TRDMT1: variants seen among roughly 807,000 people sequenced by gnomAD.
TRDMT1 encodes the protein tRNA (cytosine(38)-C(5))-methyltransferase.
TRDMT1 carries 49 observed loss-of-function variants against 51.2 expected under a neutral mutation model. The observed-to-expected ratio is 0.96, with a 90% CI of 0.76 to 1.21. The LOEUF (loss-of-function observed/expected upper bound fraction) is 1.21. Among genes scored for constraint, TRDMT1 ranks in the 50% most tolerant of loss-of-function variants. The probability of loss-of-function intolerance (pLI) is 0.00; values close to 1 mark genes in which losing one functional copy is unlikely to be tolerated. For synonymous variants in TRDMT1, 187 were observed against 164.6 expected (o/e 1.14, Z -1.04); for missense variants, 534 against 462.3 (o/e 1.16, Z -1.42).
At chr10:17,149,968 C>T (rs940982665) in intron 10 of TRDMT1, among the ~76,000 whole-genome samples, 16 of 151,972 alleles carry the variant, frequency 1.1e-4, no homozygotes, top group Admixed American at 4.6e-4. Flanking sequence ...TGTATAGATA[C>T]GTATTTTCAA....
Position 17,145,521 on chromosome 10 carries a change from A to G in TRDMT1, c.*3519T>C. On this transcript the variant is annotated 3_prime_UTR_variant, in exon 11 of 11. Coordinates refer to ENST00000377799, the MANE Select transcript of TRDMT1 (RefSeq NM_004412.7). ...ACTGCTGAGGCTATATGACCCTCAC[A>G]CAGTTTCAAAGTCCAAAGCTATTAG... is the stretch of plus-strand genomic sequence containing the variant. 1.0e-6 allele frequency: 1 copy of G among 985,458 alleles called. No individual in the cohort carries two copies. The highest frequency in any genetic ancestry group is 1.2e-6 in the Non-Finnish European group (1 of 829,942). 61.0% of individuals were successfully genotyped at this position (985,458 alleles called of 1,614,324 possible). A position where few individuals can be genotyped will look rare whatever the true frequency, so the allele number is the denominator to read the frequency against.
At position 17,154,721 on chromosome 10, in the gene TRDMT1, T is replaced by C. The variant is rs1233952555; in HGVS notation, c.901A>G (p.Ile301Val). 2 of 1,604,608 alleles carry C rather than the reference T, an allele frequency of 1.2e-6. No homozygotes were observed. The highest frequency in any genetic ancestry group is 1.1e-5 in the South Asian group (1 of 89,248). ...TGTAACACAGACCCTGTCCCTTCTA[T>C]GTAGCTTCCATATCTGAAAAATCAA... ...VCFTKGYGSY[I>V]EGTGSVLQTA... Residue 301 changes from isoleucine to valine, a missense_variant, in exon 9 of 11, where the codon ATA becomes GTA. Ile to Val is a conservative substitution (Grantham distance 29). Coordinates refer to ENST00000377799, the MANE Select transcript of TRDMT1 (RefSeq NM_004412.7).
chr10:17,160,495 A>T, intron 5 of TRDMT1, 121 bp from the exon 6 acceptor site: 3 of 572,960 alleles, frequency 5.2e-6, no homozygotes, highest in Non-Finnish European at 5.6e-6. Context: ...TTTTTGAGAC[A>T]GAGTCTCACT....
At chr10:17,188,837 A>T (rs10490959) in intron 1 of TRDMT1, among the ~76,000 whole-genome samples, 63,562 of 152,034 alleles carry the variant, frequency 0.42, 15,279 homozygotes, top group South Asian at 0.57. Flanking sequence ...GATTTCCGCG[A>T]AGTAATCACC....
At chr10:17,162,601 G>A (rs1040460575) in intron 3 of TRDMT1, among the ~76,000 whole-genome samples, 13 of 151,936 alleles carry the variant, frequency 8.6e-5, no homozygotes, top group African/African-American at 2.9e-4. Context: ...CCAGCACTTC[G>A]GAAGGCTGAG....
intron 10 of TRDMT1, among the ~76,000 whole-genome samples, chr10:17,152,730 G>A (rs543151905): frequency 1.3e-5 from 2 of 152,154 alleles, no homozygotes; most frequent in Non-Finnish European, 2.9e-5. Context: ...AGATGGGCTG[G>A]GGCATCTCTG....
chr10:17,190,965 T>C (rs369656215), intron 1 of TRDMT1, among the ~76,000 whole-genome samples: 1 of 151,984 alleles, frequency 6.6e-6, no homozygotes, highest in African/African-American at 2.4e-5. Context: ...GTGGTTCTAG[T>C]TTTATGTAGG....
rs1339376284 is a variant in TRDMT1, at chr10:17,146,692, G to A, written c.*2348C>T. 1.0e-6 allele frequency: 1 copy of A among 985,306 alleles called. No homozygotes were observed. The highest frequency in any genetic ancestry group is 1.2e-6 in the Non-Finnish European group (1 of 829,932). 61.0% of individuals were successfully genotyped at this position (985,306 alleles called of 1,614,324 possible). Reference sequence around the variant, plus strand: ...AATTACACATAGTTCTCCTGAAAATGAGAAGCTATGTTTTCCAACATCTGA... The same window carrying A: ...AATTACACATAGTTCTCCTGAAAATAAGAAGCTATGTTTTCCAACATCTGA... On this transcript the variant is annotated 3_prime_UTR_variant, in exon 11 of 11. Transcript: ENST00000377799.
At chr10:17,151,738 G>A in intron 10 of TRDMT1, 1 of 821,416 alleles carries the variant, frequency 1.2e-6, no homozygotes, top group Non-Finnish European at 1.5e-6. Flanking sequence ...GATTATAAAA[G>A]TAAATACATG....
Position 17,144,044 on chromosome 10 carries a change from C to T in TRDMT1, c.*4996G>A, listed in dbSNP as rs915338618. 1 of 985,322 alleles carries T rather than the reference C, an allele frequency of 1.0e-6. No individual in the cohort carries two copies. The highest frequency in any genetic ancestry group is 1.2e-6 in the Non-Finnish European group (1 of 829,938). The allele number at this position is 985,322 out of a possible 1,614,324, so 61.0% of individuals were successfully genotyped here. ...CATCTGGGTGTCATCGGCAAAATGG[C>T]TGAAGTTGTAGGAAAGGGTGAGAAT... On this transcript the variant is annotated 3_prime_UTR_variant, in exon 11 of 11. Transcript: ENST00000377799.
intron 1 of TRDMT1, among the ~76,000 whole-genome samples, chr10:17,180,812 A>C (rs902607964): frequency 1.1e-4 from 17 of 152,196 alleles, no homozygotes; most frequent in African/African-American, 4.1e-4. Flanking sequence ...TAAGCAAATG[A>C]GTACTTAAGA....
At chr10:17,196,143 C>T (rs1405868606) in intron 1 of TRDMT1, among the ~76,000 whole-genome samples, 2 of 152,136 alleles carry the variant, frequency 1.3e-5, no homozygotes, top group Non-Finnish European at 2.9e-5. Flanking sequence ...AAAAGAGATT[C>T]AGAAAATGAA....
chr10:17,201,454 A>AGC (rs1846156329), intron 1 of TRDMT1, 117 bp downstream of exon 1: 1 of 1,127,134 alleles, frequency 8.9e-7, no homozygotes, highest in African/African-American at 1.6e-5. Context: ...GCCGCCCCAC[A>AGC]GTGTCCGCCC....
chr10:17,183,208 A>G (rs1002052826), intron 1 of TRDMT1, among the ~76,000 whole-genome samples: 4 of 152,216 alleles, frequency 2.6e-5, no homozygotes, highest in African/African-American at 9.6e-5. Flanking sequence ...TATTTACTAC[A>G]TAGAGCAGTT....
intron 1 of TRDMT1, among the ~76,000 whole-genome samples, chr10:17,198,193 G>A (rs927471714): frequency 6.0e-4 from 92 of 152,248 alleles, no homozygotes; most frequent in African/African-American, 1.8e-3. Flanking sequence ...TAGAGGAAAC[G>A]GAGTGCTCAT....
chr10:17,193,433 G>C (rs1844970729), intron 1 of TRDMT1, among the ~76,000 whole-genome samples: 1 of 152,084 alleles, frequency 6.6e-6, no homozygotes. Context: ...AAGTCTACTG[G>C]AACTAATAAA....
rs111992616 is a variant in TRDMT1, at chr10:17,145,247, AAAAACAAAAC to A, written c.*3783_*3792del. 2.5e-4 allele frequency: 198 copies of A among 786,992 alleles called. 1 individual carries two copies. In the South Asian group the frequency reaches 7.9e-3, roughly 32 times the overall value. 48.8% of individuals were successfully genotyped at this position (786,992 alleles called of 1,614,324 possible). ...AGGCAACAGAGCGAGACTCAGTCTC[AAAAACAAAAC>A]AAAACAAAACAAAACAAAACAAAAA... On this transcript the variant is annotated 3_prime_UTR_variant, in exon 11 of 11. Transcript: ENST00000377799.
intron 10 of TRDMT1, chr10:17,151,281 CAAT>C (rs1838697552): frequency 1.0e-6 from 1 of 982,132 alleles, no homozygotes; most frequent in South Asian, 4.7e-5. Flanking sequence ...TTAAAAATAA[CAAT>C]AATAATCCTC....
rs1837467241 is a variant in TRDMT1 at position 17,137,897 on chromosome 10, G to A, written c.*11143C>T. On this transcript the variant is annotated 3_prime_UTR_variant, in exon 11 of 11. Coordinates refer to ENST00000377799, the MANE Select transcript of TRDMT1 (RefSeq NM_004412.7). ...AGGGTGACCTTGAAGGAAAGTGGCT[G>A]GGTAAAGGAAGAGACATCGACAGAA... 6.6e-6 allele frequency among the ~76,000 whole-genome samples: 1 copy of A among 152,078 alleles called. No homozygotes were observed. Among genetic ancestry groups the A allele is most frequent in the East Asian group, 1.9e-4 (1 of 5,184 alleles).
Sources: allele counts gnomAD v4.1 joint callset (sites outside exome capture counted in the v4.1 genomes callset), GRCh38; gene constraint gnomAD v4.1.1; transcripts MANE v1.5; gene names NCBI Gene and HGNC (gene_info 2026-07-23, HGNC 2026-07-21).